The following PCMT1 variants were observed in gnomAD, a reference collection of about 807,000 sequenced individuals.
PCMT1 encodes the protein protein-L-isoaspartate (D-aspartate) O-methyltransferase, also known as protein-L-isoaspartate(D-aspartate) O-methyltransferase.
A neutral mutation model predicts 29.2 loss-of-function variants in PCMT1; 9 were observed. That is an observed-to-expected ratio of 0.31 (90% CI 0.19 to 0.54). PCMT1 has a LOEUF of 0.54. Among genes scored for constraint, PCMT1 ranks in the 20% least tolerant of loss-of-function variants. The pLI, the probability that PCMT1 is intolerant of heterozygous loss-of-function variation, is 0.95. For missense variants in PCMT1, 184 were observed against 282.2 expected (o/e 0.65, Z 2.49); for synonymous variants, 98 against 97.5 (o/e 1.00, Z -0.03).
Position 149,763,067 on chromosome 6 carries a change from A to G in PCMT1, c.56-8095A>G, listed in dbSNP as rs1583010664. On this transcript the variant is annotated intron_variant, in intron 1 of 7. Transcript: ENST00000464889. ...TGATATGTATATCTATGATATATATATCTATGATATGTATATCTATGATAT... is the reference window on the plus strand; with the variant it reads ...TGATATGTATATCTATGATATATATGTCTATGATATGTATATCTATGATAT... Among the ~76,000 whole-genome samples the G allele has an allele frequency of 1.2e-4, 8 of 67,706 alleles. 2 individuals carry two copies. In the South Asian group the frequency reaches 3.6e-3, roughly 30 times the overall value. 44.4% of individuals were successfully genotyped at this position (67,706 alleles called of 152,430 possible). A position where few individuals can be genotyped will look rare whatever the true frequency, so the allele number is the denominator to read the frequency against.
chr6:149,756,298 C>G (rs371365003), intron 1 of PCMT1, among the ~76,000 whole-genome samples: 1 of 142,938 alleles, frequency 7.0e-6, no homozygotes, highest in African/African-American at 2.7e-5. Context: ...ATCTACAGCA[C>G]CAGTTCTTAG....
At chr6:149,778,073 C>T (rs1217236510) in intron 3 of PCMT1, among the ~76,000 whole-genome samples, 1 of 151,784 alleles carries the variant, frequency 6.6e-6, no homozygotes. Flanking sequence ...GACAGGGTTT[C>T]GTCACGTTGG....
rs537427227 is a variant in PCMT1 at position 149,805,745 on chromosome 6, G to A, written c.*37+3329G>A. 2.0e-5 allele frequency among the ~76,000 whole-genome samples: 3 copies of A among 151,444 alleles called. No homozygotes were observed. The East Asian group carries it at 5.8e-4, about 29-fold the overall frequency. On this transcript the variant is annotated intron_variant, in intron 7 of 7. Coordinates refer to ENST00000464889, the MANE Select transcript of PCMT1 (RefSeq NM_001360452.2). ...GAGGTCAGGAGATCGAGACCATCCT[G>A]GCCAACATGGTGAAACTCCATCTCT...
At chr6:149,756,456 C>T (rs1786507126) in intron 1 of PCMT1, among the ~76,000 whole-genome samples, 1 of 148,822 alleles carries the variant, frequency 6.7e-6, no homozygotes, top group Admixed American at 6.7e-5. Flanking sequence ...TCAAGCGACT[C>T]CTCCATCTCA....
chr6:149,809,506 C>T (rs2151913), intron 7 of PCMT1, among the ~76,000 whole-genome samples: 80,503 of 151,796 alleles, frequency 0.53, 24,409 homozygotes, highest in East Asian at 0.83. Context: ...TAATCCAATA[C>T]TATAGGATAA....
intron 6 of PCMT1, among the ~76,000 whole-genome samples, chr6:149,800,982 A>G (rs1410405842): frequency 6.6e-6 from 1 of 152,224 alleles, no homozygotes; most frequent in Non-Finnish European, 1.5e-5. Context: ...GATGCTAAAG[A>G]CACAAAGATG....
At position 149,765,732 on chromosome 6, in the gene PCMT1, C is replaced by T. The variant is rs559774647; in HGVS notation, c.56-5430C>T. The T allele has an allele frequency of 2.2e-4, 75 of 335,934 alleles. 1 individual carries two copies. Among genetic ancestry groups the T allele is most frequent in the South Asian group, 1.7e-3 (72 of 43,092 alleles). The allele number at this position is 335,934 out of a possible 1,614,324, so 20.8% of individuals were successfully genotyped here. A position where few individuals can be genotyped will look rare whatever the true frequency, so the allele number is the denominator to read the frequency against. On this transcript the variant is annotated intron_variant, in intron 1 of 7. Coordinates refer to ENST00000464889, the MANE Select transcript of PCMT1 (RefSeq NM_001360452.2). ...CTGTAATACCAGCACTTTGGGAGGA[C>T]GAGGAAGGTGGATCACCTAAGGTCA...
chr6:149,770,417 A>G (rs1433798385), intron 1 of PCMT1, among the ~76,000 whole-genome samples: 1 of 152,094 alleles, frequency 6.6e-6, no homozygotes, highest in Non-Finnish European at 1.5e-5. Flanking sequence ...CTGTTACTAA[A>G]GACCAGGTTG....
At chr6:149,773,208 A>AT in intron 3 of PCMT1, 39 bp downstream of exon 3, 1 of 1,464,656 alleles carries the variant, frequency 6.8e-7, no homozygotes, top group Non-Finnish European at 9.5e-7. Flanking sequence ...AATGGATTAC[A>AT]TTTTTCTCTA....
At chr6:149,796,895 C>A (rs576956014) in intron 6 of PCMT1, 4 of 154,192 alleles carry the variant, frequency 2.6e-5, no homozygotes, top group African/African-American at 9.7e-5. Flanking sequence ...CTCACTGCAA[C>A]CTCCGCCTCC....
intron 3 of PCMT1, among the ~76,000 whole-genome samples, chr6:149,782,648 T>C (rs1787860268): frequency 6.6e-6 from 1 of 151,766 alleles, no homozygotes. Context: ...TTGAAGAGGC[T>C]CCCAAAGGCC....
At chr6:149,802,160 G>T (rs755726861) in intron 6 of PCMT1, 40 bp from the exon 7 acceptor site, 13 of 1,342,504 alleles carry the variant, frequency 9.7e-6, no homozygotes, top group Non-Finnish European at 1.3e-5. Flanking sequence ...AATAAAATCT[G>T]TAACTTGGTG....
At chr6:149,795,544 G>T in intron 5 of PCMT1, 1 of 486,988 alleles carries the variant, frequency 2.1e-6, no homozygotes, top group South Asian at 1.9e-5. Context: ...TGTTTGTTTG[G>T]ATCTGGCCGA....
intron 3 of PCMT1, among the ~76,000 whole-genome samples, chr6:149,787,043 G>A (rs1287891602): frequency 9.9e-5 from 13 of 131,450 alleles, no homozygotes; most frequent in Middle Eastern, 3.2e-3. Flanking sequence ...TCGGGAGGCC[G>A]AGGCTGGTGG....
chr6:149,779,671 G>A (rs1300655898), intron 3 of PCMT1, among the ~76,000 whole-genome samples: 1 of 152,058 alleles, frequency 6.6e-6, no homozygotes, highest in Non-Finnish European at 1.5e-5. Flanking sequence ...TTAGCCACGT[G>A]TGGTGGCAGG....
At chr6:149,785,663 C>T (rs969976125) in intron 3 of PCMT1, among the ~76,000 whole-genome samples, 2 of 151,956 alleles carry the variant, frequency 1.3e-5, no homozygotes, top group African/African-American at 4.8e-5. Flanking sequence ...TCTTGCACCG[C>T]CCTTAATCCA....
intron 5 of PCMT1, among the ~76,000 whole-genome samples, chr6:149,794,498 G>A (rs1199222587): frequency 6.6e-6 from 1 of 152,104 alleles, no homozygotes; most frequent in East Asian, 1.9e-4. Flanking sequence ...CACGCCTGTA[G>A]TCCTAGCTAC....
rs975770873 is a variant in PCMT1, at chr6:149,794,945, C to T, written c.418+1276C>T. The T allele has an allele frequency of 3.0e-5, 13 of 436,454 alleles. 1 individual carries two copies. The highest frequency in any genetic ancestry group is 5.5e-5 in the Non-Finnish European group (12 of 218,422). 27.0% of individuals were successfully genotyped at this position (436,454 alleles called of 1,614,324 possible). On this transcript the variant is annotated intron_variant, in intron 5 of 7. Coordinates refer to ENST00000464889, the MANE Select transcript of PCMT1 (RefSeq NM_001360452.2). ...ATGTGGTGGCTCATGCCTGTAATCC[C>T]AGCACTTTGGGAGGCCAAGGCGGGC... is the stretch of plus-strand genomic sequence containing the variant.
In PCMT1 at chr6:149,771,682, A is replaced by C. The variant is rs150765962; in HGVS notation, c.160+416A>C. The stretch of plus-strand genomic sequence containing the variant: ...CAGGTGCATGCCACCATGCCTGGCT[A>C]ATTTTTTGTATTTTAGTAGAGACGG... On this transcript the variant is annotated intron_variant, in intron 2 of 7. Transcript: ENST00000464889. Among the ~76,000 whole-genome samples, 881 of 152,010 alleles carry C rather than the reference A, an allele frequency of 5.8e-3. 6 individuals carry two copies. The highest frequency in any genetic ancestry group is 0.02 in the African/African-American group (840 of 41,448).
Sources: allele counts gnomAD v4.1 joint callset (sites outside exome capture counted in the v4.1 genomes callset), GRCh38; gene constraint gnomAD v4.1.1; transcripts MANE v1.5; gene names NCBI Gene and HGNC (gene_info 2026-07-23, HGNC 2026-07-21).